INPP5E: variants seen among roughly 807,000 people sequenced by gnomAD.
The protein encoded by INPP5E is inositol polyphosphate-5-phosphatase E.
Under a neutral mutation model 50.5 loss-of-function variants are expected in INPP5E, and 34 were observed. The observed-to-expected ratio is 0.67, with a 90% confidence interval of 0.51 to 0.90. The LOEUF (loss-of-function observed/expected upper bound fraction) is 0.90. Among genes scored for constraint, INPP5E ranks in the 40% least tolerant of loss-of-function variants. The pLI, the probability that INPP5E is intolerant of heterozygous loss-of-function variation, is 0.00. For synonymous variants in INPP5E, 447 were observed against 406.0 expected, an observed-to-expected ratio of 1.10 and a Z score of -1.21; for missense variants, 942 against 905.5, an observed-to-expected ratio of 1.04 and a Z score of -0.52.
rs1239533086 is a variant in INPP5E, at chr9:136,428,717, A to G, written c.*958T>C. 1 of 152,628 alleles carries G rather than the reference A, an allele frequency of 6.6e-6. No individual in the cohort carries two copies. The allele number at this position is 152,628 out of a possible 1,614,324, so 9.5% of individuals were successfully genotyped here. A position where few individuals can be genotyped will look rare whatever the true frequency, so the allele number is the denominator to read the frequency against. ...TCCCTAGATTTTCACACATTCAAAG[A>G]CTACATTTTTTCAAGAGATGGAATG... On this transcript the variant is annotated 3_prime_UTR_variant, in exon 10 of 10. Coordinates refer to ENST00000371712, the MANE Select transcript of INPP5E (RefSeq NM_019892.6).
At chr9:136,438,486 G>T in intron 1 of INPP5E, 122 bp downstream of exon 1, 6 of 902,704 alleles carry the variant, frequency 6.6e-6, no homozygotes, top group East Asian at 2.7e-5. Context: ...CGGGAGACCC[G>T]CTTCGTTCTT....
chr9:136,439,130 C>A lies in INPP5E; in HGVS notation c.290G>T (p.Arg97Leu). 1 of 1,585,036 alleles carries A rather than the reference C, an allele frequency of 6.3e-7. No homozygotes were observed. The highest frequency in any genetic ancestry group is 2.3e-5 in the East Asian group (1 of 43,610). The change falls in exon 1 of 10, where the codon CGA (arginine) becomes CTA (leucine). Residue 97 changes from arginine to leucine, a missense_variant. Transcript: ENST00000371712. Reference sequence around the variant, plus strand: ...GGCTTCCAGGTCCTCCTGGCTGCCTCGAAAACGCCTCCTCCTCCAGCCCTT... The same window carrying A: ...GGCTTCCAGGTCCTCCTGGCTGCCTAGAAAACGCCTCCTCCTCCAGCCCTT... ...DDKGWRRRRF[R>L]GSQEDLEARN...
Position 136,439,465 on chromosome 9 carries a change from C to T in INPP5E, c.-46G>A. The T allele has an allele frequency of 1.5e-6, 2 of 1,371,020 alleles. No individual in the cohort carries two copies. The highest frequency in any genetic ancestry group is 1.9e-6 in the Non-Finnish European group (2 of 1,050,266). 84.9% of individuals were successfully genotyped at this position (1,371,020 alleles called of 1,614,324 possible). On this transcript the variant is annotated 5_prime_UTR_variant, in exon 1 of 10. Coordinates refer to ENST00000371712, the MANE Select transcript of INPP5E (RefSeq NM_019892.6). The stretch of plus-strand genomic sequence containing the variant: ...GGCCTCGGCGCGAGGCCGCAGGCAG[C>T]GCGAGGGGTCACGGGTGCCGGGTCC...
Position 136,439,510 on chromosome 9 carries a change from G to T in INPP5E, c.-91C>A. 2.0e-6 allele frequency: 2 copies of T among 994,590 alleles called. No homozygotes were observed. The highest frequency in any genetic ancestry group is 2.7e-6 in the Non-Finnish European group (2 of 747,778). 61.6% of individuals were successfully genotyped at this position (994,590 alleles called of 1,614,324 possible). ...GGGTCCGGGGTCGCCGGCGCAGCGA[G>T]GAGCAGAAACGCCGCTGCGGCTCCC... On this transcript the variant is annotated 5_prime_UTR_variant, in exon 1 of 10. Transcript: ENST00000371712.
rs1039329894 is a variant in INPP5E at position 136,432,633 on chromosome 9, G to A, written c.1280-47C>T. ...AGGGACCACAGGGTTCCGGATGCTC[G>A]AGTCTCCCTAAAGCGCCGCACCTCT... On this transcript the variant is annotated intron_variant, in intron 5 of 9. Transcript: ENST00000371712. 4.5e-5 allele frequency: 58 copies of A among 1,281,206 alleles called. 1 individual carries two copies. The highest frequency in any genetic ancestry group is 5.6e-5 in the Non-Finnish European group (51 of 907,738). 79.4% of individuals were successfully genotyped at this position (1,281,206 alleles called of 1,614,324 possible). A position where few individuals can be genotyped will look rare whatever the true frequency, so the allele number is the denominator to read the frequency against.
At position 136,439,116 on chromosome 9, in the gene INPP5E, C is replaced by A. The variant is rs187724945; in HGVS notation, c.304G>T (p.Asp102Tyr). The A allele has an allele frequency of 2.4e-4, 383 of 1,584,284 alleles. 2 individuals carry two copies. In the South Asian group the frequency reaches 3.3e-3, roughly 14 times the overall value. ...CTGGTCCCATTCCGGGCTTCCAGGT[C>A]CTCCTGGCTGCCTCGAAAACGCCTC... ...RRRRFRGSQE[D>Y]LEARNGTSPS... The change falls in exon 1 of 10, where the codon GAC becomes TAC. Residue 102 changes from aspartate (D) to tyrosine (Y), a missense_variant. Coordinates refer to ENST00000371712, the MANE Select transcript of INPP5E (RefSeq NM_019892.6).
intron 3 of INPP5E, among the ~76,000 whole-genome samples, chr9:136,433,802 C>T (rs937321976): frequency 6.6e-6 from 1 of 152,240 alleles, no homozygotes. Flanking sequence ...TGCCCGTGCC[C>T]GGCCGCCACC....
rs544247720 is a variant in INPP5E at position 136,439,593 on chromosome 9, C to G, written c.-174G>C. The G allele has an allele frequency of 2.5e-6, 1 of 407,010 alleles. No homozygotes were observed. Among genetic ancestry groups the G allele is most frequent in the East Asian group, 3.9e-5 (1 of 25,396 alleles). 25.2% of individuals were successfully genotyped at this position (407,010 alleles called of 1,614,324 possible). A position where few individuals can be genotyped will look rare whatever the true frequency, so the allele number is the denominator to read the frequency against. On this transcript the variant is annotated 5_prime_UTR_variant, in exon 1 of 10. Coordinates refer to ENST00000371712, the MANE Select transcript of INPP5E (RefSeq NM_019892.6). ...GGCGGCTGCCGCATGGCCCGGGCCC[C>G]GAGTCCCGCCAGCCCCTCGGGGCTC...
In INPP5E at chr9:136,438,946, A is replaced by G. The variant is rs1324339853; in HGVS notation, c.474T>C (p.Gly158=). Reference sequence around the variant, plus strand: ...TGCTGGCCACCCCAGAGAGAGGGTTACCCCCCGAGGACGGGCTCCCTCTCT... The same window carrying G: ...TGCTGGCCACCCCAGAGAGAGGGTTGCCCCCCGAGGACGGGCTCCCTCTCT... The part of the protein sequence containing the change: ...SSERGSPSSG[G]NPLSGVASSS... Residue 158 remains glycine (G), a synonymous_variant, in exon 1 of 10, where the codon GGT becomes GGC. Coordinates refer to ENST00000371712, the MANE Select transcript of INPP5E (RefSeq NM_019892.6). 2 of 1,568,444 alleles carry G rather than the reference A, an allele frequency of 1.3e-6. No homozygotes were observed. Among genetic ancestry groups the G allele is most frequent in the African/African-American group, 2.7e-5 (2 of 74,080 alleles).
At chr9:136,435,560 T>C (rs1835811456) in intron 1 of INPP5E, 1 of 152,964 alleles carries the variant, frequency 6.5e-6, no homozygotes, top group Non-Finnish European at 1.5e-5. Context: ...TCTCGCCACG[T>C]TGTCCAGGCT....
chr9:136,432,498 G>A lies in INPP5E; in HGVS notation c.1368C>T (p.Asn456=). 3 of 1,550,666 alleles carry A rather than the reference G, an allele frequency of 1.9e-6. No individual in the cohort carries two copies. The highest frequency in any genetic ancestry group is 2.4e-5 in the South Asian group (2 of 84,146). The part of the protein sequence containing the change: ...LVLPRNVPDT[N]PYRSSAADVT... Reference sequence around the variant, plus strand: ...CCTCACCTGCGCTGGAGCGATAGGGGTTGGTGTCGGGCACATTTCTGGGCA... The same window carrying A: ...CCTCACCTGCGCTGGAGCGATAGGGATTGGTGTCGGGCACATTTCTGGGCA... Residue 456 remains asparagine (N), a synonymous_variant, in exon 6 of 10, where the codon AAC becomes AAT. Transcript: ENST00000371712.
rs778220818 is a variant in INPP5E, at chr9:136,433,130, C to G, written c.1159+25G>C. 1.9e-6 allele frequency: 3 copies of G among 1,610,300 alleles called. No individual in the cohort carries two copies. In the Middle Eastern group the frequency reaches 4.9e-4, roughly 266 times the overall value. ...GTGGGACGCTGCCACCTTCCAGCCG[C>G]GCCCACCCCTCCAGCCGCGCCCACC... On this transcript the variant is annotated intron_variant, in intron 4 of 9. Coordinates refer to ENST00000371712, the MANE Select transcript of INPP5E (RefSeq NM_019892.6).
chr9:136,432,867 G>A (rs1588833897), intron 5 of INPP5E, 89 bp downstream of exon 5: 12 of 1,510,266 alleles, frequency 7.9e-6, no homozygotes, highest in African/African-American at 1.4e-5. Flanking sequence ...TGAAGCCAGC[G>A]GTCAGGACCC....
chr9:136,439,781 A>G lies in INPP5E; in HGVS notation c.-362T>C, dbSNP rs1183121907. 5.7e-6 allele frequency: 1 copy of G among 176,218 alleles called. No homozygotes were observed. Among genetic ancestry groups the G allele is most frequent in the African/African-American group, 2.4e-5 (1 of 42,144 alleles). The allele number at this position is 176,218 out of a possible 1,614,324, so 10.9% of individuals were successfully genotyped here. ...TCGCAGACTCCGAAGTCGACCCGGT[A>G]CTCGCGGAGGCCCGGCCGCCCAGAA... On this transcript the variant is annotated 5_prime_UTR_variant, in exon 1 of 10. Coordinates refer to ENST00000371712, the MANE Select transcript of INPP5E (RefSeq NM_019892.6).
chr9:136,432,470 C>T lies in INPP5E; in HGVS notation c.1387+9G>A, dbSNP rs202236947. The stretch of plus-strand genomic sequence containing the variant: ...CGGCACCACCCACACGCAGCGTGGA[C>T]GCCCTCACCTGCGCTGGAGCGATAG... On this transcript the variant is annotated intron_variant, in intron 6 of 9. Coordinates refer to ENST00000371712, the MANE Select transcript of INPP5E (RefSeq NM_019892.6). 63 of 1,532,742 alleles carry T rather than the reference C, an allele frequency of 4.1e-5. 1 individual carries two copies. The highest frequency in any genetic ancestry group is 1.2e-4 in the East Asian group (5 of 40,936). 94.9% of individuals were successfully genotyped at this position (1,532,742 alleles called of 1,614,324 possible).
chr9:136,434,656 C>T, intron 2 of INPP5E, 84 bp downstream of exon 2: 1 of 1,527,836 alleles, frequency 6.5e-7, no homozygotes, highest in Non-Finnish European at 8.9e-7. Context: ...CAGGATGAGG[C>T]ACAGAGCTGC....
In INPP5E at chr9:136,431,991, G is replaced by A. The variant is rs1202702426; in HGVS notation, c.1388-6C>T. On this transcript the variant is annotated splice_region_variant and splice_polypyrimidine_tract_variant and intron_variant, in intron 6 of 9. Transcript: ENST00000371712. Reference sequence around the variant, plus strand: ...GAAGCGGGTGGTGACGTCCGCTGCGGCACAGTGGGCCATGTGTGGGCACAG... The same window carrying A: ...GAAGCGGGTGGTGACGTCCGCTGCGACACAGTGGGCCATGTGTGGGCACAG... The A allele has an allele frequency of 1.2e-6, 2 of 1,612,518 alleles. No homozygotes were observed. The highest frequency in any genetic ancestry group is 1.3e-5 in the African/African-American group (1 of 74,874).
In INPP5E at chr9:136,431,980, C is replaced by A; in HGVS notation, c.1393G>T (p.Val465Phe). The stretch of plus-strand genomic sequence containing the variant: ...AACACCTCATCGAAGCGGGTGGTGA[C>A]GTCCGCTGCGGCACAGTGGGCCATG... ...TNPYRSSAAD[V>F]TTRFDEVFWF... is the part of the protein sequence containing the mutation. Residue 465 changes from valine to phenylalanine, a missense_variant, in exon 7 of 10, where the codon GTC (valine) becomes TTC (phenylalanine). By Grantham distance (50) the Val-to-Phe change is conservative. Coordinates refer to ENST00000371712, the MANE Select transcript of INPP5E (RefSeq NM_019892.6). 1.2e-6 allele frequency: 2 copies of A among 1,612,608 alleles called. No individual in the cohort carries two copies. The highest frequency in any genetic ancestry group is 1.6e-4 in the Middle Eastern group (1 of 6,062).
In INPP5E at chr9:136,439,389, A is replaced by G; in HGVS notation, c.31T>C (p.Ser11Pro). Reference protein sequence around the residue: MPSKAENLRPSEPAPQPPEGR... With the variant: MPSKAENLRPPEPAPQPPEGR... Reference sequence around the variant, plus strand: ...TCCGGCGGCTGCGGGGCCGGCTCGGAGGGCCGCAGATTCTCCGCCTTGGAC... The same window carrying G: ...TCCGGCGGCTGCGGGGCCGGCTCGGGGGGCCGCAGATTCTCCGCCTTGGAC... The change falls in exon 1 of 10, where the codon TCC becomes CCC. Residue 11 changes from serine (S) to proline (P), a missense_variant. Coordinates refer to ENST00000371712, the MANE Select transcript of INPP5E (RefSeq NM_019892.6). 1 of 1,462,736 alleles carries G rather than the reference A, an allele frequency of 6.8e-7. No individual in the cohort carries two copies. Among genetic ancestry groups the G allele is most frequent in the Non-Finnish European group, 9.0e-7 (1 of 1,113,576 alleles). 90.6% of individuals were successfully genotyped at this position (1,462,736 alleles called of 1,614,324 possible).
Sources: allele counts gnomAD v4.1 joint callset (sites outside exome capture counted in the v4.1 genomes callset), GRCh38; gene constraint gnomAD v4.1.1; transcripts MANE v1.5; gene names NCBI Gene and HGNC (gene_info 2026-07-23, HGNC 2026-07-21).